Variants in ACOXL observed in about 807,000 individuals in gnomAD.
The protein encoded by ACOXL is acyl-CoA oxidase like.
ACOXL carries 70 observed loss-of-function variants against 71.9 expected under a neutral mutation model. The observed-to-expected ratio is 0.97, with a 90% CI of 0.80 to 1.19. The LOEUF (loss-of-function observed/expected upper bound fraction) is 1.19. ACOXL is among the 50% of genes most tolerant of loss of function. ACOXL has a pLI of 0.00. For synonymous variants in ACOXL, 253 were observed against 281.6 expected, an observed-to-expected ratio of 0.90 and a Z score of 1.02; for missense variants, 703 against 736.3, an observed-to-expected ratio of 0.95 and a Z score of 0.52.
chr2:110,762,546 C>T (rs1680540975), intron 1 of ACOXL, among the ~76,000 whole-genome samples: 1 of 151,998 alleles, frequency 6.6e-6, no homozygotes, highest in African/African-American at 2.4e-5. Context: ...ATAGTACATA[C>T]CTAATTTATC....
chr2:110,850,239 A>G (rs1692434994), intron 10 of ACOXL, among the ~76,000 whole-genome samples: 1 of 152,240 alleles, frequency 6.6e-6, no homozygotes, highest in African/African-American at 2.4e-5. Context: ...ATGAACTGTC[A>G]AGGAAAAAGT....
chr2:110,949,565 G>A (rs577924937), intron 12 of ACOXL, among the ~76,000 whole-genome samples: 3 of 152,198 alleles, frequency 2.0e-5, no homozygotes, highest in South Asian at 4.2e-4. Context: ...AAAGACAGAC[G>A]ATAAAAATCA....
intron 11 of ACOXL, among the ~76,000 whole-genome samples, chr2:110,931,065 A>G (rs1256358831): frequency 6.6e-6 from 1 of 152,154 alleles, no homozygotes; most frequent in East Asian, 1.9e-4. Context: ...ATGAGAAATA[A>G]TTTTGCCTCA....
intron 12 of ACOXL, among the ~76,000 whole-genome samples, chr2:110,985,210 T>C (rs1392176275): frequency 6.6e-6 from 1 of 152,208 alleles, no homozygotes. Flanking sequence ...GTCATTTTAT[T>C]TTCCCCACTT....
At chr2:111,061,080 A>C (rs1244767540) in intron 16 of ACOXL, among the ~76,000 whole-genome samples, 1 of 152,178 alleles carries the variant, frequency 6.6e-6, no homozygotes, top group Non-Finnish European at 1.5e-5. Flanking sequence ...AAAAGATAAA[A>C]AAAGAAGATG....
chr2:110,825,251 T>G (rs1689035380), intron 9 of ACOXL, among the ~76,000 whole-genome samples: 1 of 152,182 alleles, frequency 6.6e-6, no homozygotes, highest in African/African-American at 2.4e-5. Context: ...GACAACAGAT[T>G]TTTTCACAGA....
chr2:111,093,451 C>G lies in ACOXL; in HGVS notation c.1542+485C>G, dbSNP rs750988769. On this transcript the variant is annotated intron_variant, in intron 17 of 17. Coordinates refer to ENST00000439055, the MANE Select transcript of ACOXL (RefSeq NM_001142807.4). ...AAAGAATGTGAAACAGCATACTCAT[C>G]AGTAAAACACATTTCTGATTACATC... is the stretch of plus-strand genomic sequence containing the variant. 2.5e-6 allele frequency: 4 copies of G among 1,613,680 alleles called. No homozygotes were observed. The Admixed American group carries it at 6.7e-5, about 27-fold the overall frequency.
At chr2:110,989,785 TGTATCA>T (rs2063096590) in intron 13 of ACOXL, among the ~76,000 whole-genome samples, 1 of 152,168 alleles carries the variant, frequency 6.6e-6, no homozygotes, top group Non-Finnish European at 1.5e-5. Flanking sequence ...GGCTTATGCG[TGTATCA>T]GCACTTTGGG....
chr2:110,937,996 T>C (rs1259853214), intron 12 of ACOXL, among the ~76,000 whole-genome samples: 1 of 152,174 alleles, frequency 6.6e-6, no homozygotes, highest in Non-Finnish European at 1.5e-5. Context: ...AGAAAAGAGA[T>C]ACCACATGGT....
intron 10 of ACOXL, among the ~76,000 whole-genome samples, chr2:110,889,366 G>T (rs1364493227): frequency 1.3e-5 from 2 of 152,130 alleles, no homozygotes; most frequent in Non-Finnish European, 2.9e-5. Context: ...GTGTAAAATT[G>T]TTTCATTTAA....
chr2:110,850,684 T>C (rs982609662), intron 10 of ACOXL, among the ~76,000 whole-genome samples: 2 of 152,132 alleles, frequency 1.3e-5, no homozygotes, highest in African/African-American at 4.8e-5. Flanking sequence ...ATGATGAGGA[T>C]GTGGAGAAAC....
chr2:110,760,026 A>G (rs1183785238), intron 1 of ACOXL, among the ~76,000 whole-genome samples: 4 of 151,386 alleles, frequency 2.6e-5, no homozygotes, highest in African/African-American at 9.7e-5. Context: ...TATAAAAGCT[A>G]TTGATTTCTT....
chr2:110,783,480 AC>A (rs1458746349), intron 2 of ACOXL, among the ~76,000 whole-genome samples: 3 of 152,198 alleles, frequency 2.0e-5, no homozygotes, highest in Admixed American at 2.0e-4. Flanking sequence ...GTTGAGAGAA[AC>A]ATTGTAAAAA....
At position 110,744,914 on chromosome 2, in the gene ACOXL, C is replaced by T. The variant is rs1678010223; in HGVS notation, c.-23+12140C>T. The stretch of plus-strand genomic sequence containing the variant: ...AGACCACCTCTAGGATGAAGTGGCC[C>T]ATGGAGGCAGAGTAGACAGACACTA... On this transcript the variant is annotated intron_variant, in intron 1 of 17. Coordinates refer to ENST00000439055, the MANE Select transcript of ACOXL (RefSeq NM_001142807.4). Among the ~76,000 whole-genome samples the T allele has an allele frequency of 6.6e-5, 10 of 152,206 alleles. No individual in the cohort carries two copies. The South Asian group carries it at 2.1e-3, about 32-fold the overall frequency.
intron 10 of ACOXL, among the ~76,000 whole-genome samples, chr2:110,896,979 G>GA (rs1046379551): frequency 4.5e-4 from 66 of 146,940 alleles, no homozygotes; most frequent in South Asian, 6.4e-4. Flanking sequence ...ATCTTATCCA[G>GA]AAAAAAAAAA....
chr2:111,071,263 C>G (rs947359881), intron 16 of ACOXL, among the ~76,000 whole-genome samples: 22 of 152,148 alleles, frequency 1.4e-4, no homozygotes, highest in African/African-American at 5.1e-4. Context: ...AGATGAACAT[C>G]CCCCCTCTTG....
rs544948411 is a variant in ACOXL, at chr2:110,793,973, C to A, written c.247-103C>A. ...CTGCATTTTTATAATTTTCTCCAACCCACCTGTCCCTCTCTCACCACCATT... is the reference window on the plus strand; with the variant it reads ...CTGCATTTTTATAATTTTCTCCAACACACCTGTCCCTCTCTCACCACCATT... On this transcript the variant is annotated intron_variant, in intron 4 of 17. Coordinates refer to ENST00000439055, the MANE Select transcript of ACOXL (RefSeq NM_001142807.4). 27 of 1,201,110 alleles carry A rather than the reference C, an allele frequency of 2.2e-5. 1 individual carries two copies. In the Admixed American group the frequency reaches 4.1e-4, roughly 18 times the overall value. The allele number at this position is 1,201,110 out of a possible 1,614,324, so 74.4% of individuals were successfully genotyped here. A position where few individuals can be genotyped will look rare whatever the true frequency, so the allele number is the denominator to read the frequency against.
Position 110,760,386 on chromosome 2 carries a change from C to T in ACOXL, c.-22-7982C>T, listed in dbSNP as rs529374191. On this transcript the variant is annotated intron_variant, in intron 1 of 17. Transcript: ENST00000439055. ...GTCTCGATCTCCTGACCTCGTGATC[C>T]GCCCGCCTCAGCCTCCCAAAGTGCT... Among the ~76,000 whole-genome samples, 157 of 152,234 alleles carry T rather than the reference C, an allele frequency of 1.0e-3. 1 individual carries two copies. Among genetic ancestry groups the T allele is most frequent in the African/African-American group, 1.6e-3 (66 of 41,548 alleles).
At chr2:110,872,420 G>C (rs1695389224) in intron 10 of ACOXL, among the ~76,000 whole-genome samples, 1 of 152,232 alleles carries the variant, frequency 6.6e-6, no homozygotes, top group African/African-American at 2.4e-5. Context: ...ACTGAGGCTA[G>C]TGCGTATATA....
Sources: allele counts gnomAD v4.1 joint callset (sites outside exome capture counted in the v4.1 genomes callset), GRCh38; gene constraint gnomAD v4.1.1; transcripts MANE v1.5; gene names NCBI Gene and HGNC (gene_info 2026-07-23, HGNC 2026-07-21).